SCML2: variants seen among roughly 807,000 people sequenced by gnomAD.
SCML2 encodes sex comb on midleg-like protein 2.
In SCML2, 6 loss-of-function variants were observed where a neutral mutation model predicts 48.4. The ratio of observed to expected loss-of-function variants is 0.12; its 90% CI spans 0.07 to 0.24. The LOEUF (loss-of-function observed/expected upper bound fraction) is 0.24, where lower values mean the gene tolerates loss of function less well. Ranked by LOEUF, SCML2 falls within the 10% of genes least tolerant of loss-of-function variation. SCML2 has a pLI of 1.00. For missense variants in SCML2, 377 were observed against 528.2 expected, an observed-to-expected ratio of 0.71 and a Z score of 2.81; for synonymous variants, 181 against 189.5, an observed-to-expected ratio of 0.95 and a Z score of 0.37.
chrX:18,340,514 C>T (rs1929977107), intron 1 of SCML2, among the ~76,000 whole-genome samples: 1 of 112,290 alleles, frequency 8.9e-6, no homozygotes, highest in African/African-American at 3.2e-5. Flanking sequence ...TGCAATCTAA[C>T]ATGTGATAAA....
intron 13 of SCML2, among the ~76,000 whole-genome samples, chrX:18,245,352 C>T (rs1341883879): frequency 8.9e-6 from 1 of 112,003 alleles, no homozygotes; most frequent in African/African-American, 3.2e-5. Context: ...TAGAAGTAAC[C>T]TTATACTGAG....
rs1403216127 is a variant in SCML2 at position 18,323,847 on chromosome X, C to T, written c.397+12G>A. ...TAGAAAGAATACGCTATTTTTAAAA[C>T]TTTCTTCTTACCTAGTGGAGGTTGA... On this transcript the variant is annotated intron_variant, in intron 5 of 14. Coordinates refer to ENST00000251900, the MANE Select transcript of SCML2 (RefSeq NM_006089.3). The T allele has an allele frequency of 2.6e-6, 3 of 1,157,169 alleles. No individual in the cohort carries two copies. The highest frequency in any genetic ancestry group is 1.8e-5 in the African/African-American group (1 of 56,149).
intron 1 of SCML2, among the ~76,000 whole-genome samples, chrX:18,335,006 G>A (rs774645897): frequency 3.6e-5 from 4 of 111,033 alleles, no homozygotes; most frequent in Admixed American, 9.6e-5. Context: ...GAGCCCAGCA[G>A]TTCAAGATCA....
chrX:18,339,657 T>G (rs1929949725), intron 1 of SCML2, among the ~76,000 whole-genome samples: 1 of 111,564 alleles, frequency 9.0e-6, no homozygotes, highest in East Asian at 2.8e-4. Context: ...AAGGCTGCAG[T>G]GAGTTATGAT....
chrX:18,320,209 T>C lies in SCML2; in HGVS notation c.486+123A>G, dbSNP rs1929271356. On this transcript the variant is annotated intron_variant, in intron 6 of 14. Transcript: ENST00000251900. ...TGTTATGGCAACCCTAGCAAACTAATACACTTGCCAATCCAGTAATTTTAA... is the reference window on the plus strand; with the variant it reads ...TGTTATGGCAACCCTAGCAAACTAACACACTTGCCAATCCAGTAATTTTAA... 4 of 421,682 alleles carry C rather than the reference T, an allele frequency of 9.5e-6. No individual in the cohort carries two copies. The South Asian group carries it at 2.7e-4, about 28-fold the overall frequency. 34.8% of individuals were successfully genotyped at this position (421,682 alleles called of 1,213,427 possible). A position where few individuals can be genotyped will look rare whatever the true frequency, so the allele number is the denominator to read the frequency against.
intron 6 of SCML2, among the ~76,000 whole-genome samples, chrX:18,315,701 G>T (rs775797412): frequency 7.2e-5 from 8 of 111,469 alleles, no homozygotes; most frequent in Non-Finnish European, 1.3e-4. Flanking sequence ...TCCAGTAACC[G>T]TTCAACCCCA....
Position 18,246,790 on chromosome X carries a change from C to G in SCML2, c.1609G>C (p.Glu537Gln). The change falls in exon 13 of 15, where the codon GAG (glutamate) becomes CAG (glutamine). Residue 537 changes from glutamate (E) to glutamine (Q), a missense_variant. Transcript: ENST00000251900. ...LFAGGSAIPK[E>Q]ENLSEDSKSS... ...TTAGAATCTTCTGAAAGATTCTCCT[C>G]TTTGGGAATGGCACTTCCCCCAGCA... is the stretch of plus-strand genomic sequence containing the variant. The G allele has an allele frequency of 1.7e-6, 2 of 1,206,843 alleles. No individual in the cohort carries two copies. The highest frequency in any genetic ancestry group is 2.2e-6 in the Non-Finnish European group (2 of 892,330).
intron 1 of SCML2, among the ~76,000 whole-genome samples, chrX:18,346,693 T>C (rs1930211976): frequency 8.9e-6 from 1 of 112,443 alleles, no homozygotes; most frequent in African/African-American, 3.2e-5. Context: ...CTGTCCTTTA[T>C]TGTGAAGGGG....
intron 5 of SCML2, among the ~76,000 whole-genome samples, chrX:18,321,426 CT>C (rs1183489585): frequency 1.8e-5 from 2 of 109,913 alleles, no homozygotes; most frequent in Non-Finnish European, 3.8e-5. Context: ...GTATGCGCCC[CT>C]GATGCATGCA....
chrX:18,302,599 G>A (rs1431602085), intron 7 of SCML2, among the ~76,000 whole-genome samples: 1 of 111,314 alleles, frequency 9.0e-6, no homozygotes, highest in African/African-American at 3.3e-5. Flanking sequence ...GTTCTGTCCT[G>A]GTCCTTTTCT....
rs543370630 is a variant in SCML2, at chrX:18,264,462, T to C, written c.948+1123A>G. Among the ~76,000 whole-genome samples, 8 of 106,411 alleles carry C rather than the reference T, an allele frequency of 7.5e-5. No homozygotes were observed. The South Asian group carries it at 2.9e-3, about 38-fold the overall frequency. 92.4% of individuals were successfully genotyped at this position (106,411 alleles called of 115,157 possible). On this transcript the variant is annotated intron_variant, in intron 8 of 14. Transcript: ENST00000251900. ...GTGTGTGTGTGTGTGTGTGTGTGTGTGTGTGTGTGTGTGTGTGTCTGTGTA... is the reference window on the plus strand; with the variant it reads ...GTGTGTGTGTGTGTGTGTGTGTGTGCGTGTGTGTGTGTGTGTGTCTGTGTA...
intron 7 of SCML2, among the ~76,000 whole-genome samples, chrX:18,267,782 G>C (rs1927306836): frequency 9.1e-6 from 1 of 110,163 alleles, no homozygotes; most frequent in Non-Finnish European, 1.9e-5. Flanking sequence ...TTTTGTGGTA[G>C]AGACGGGGTT....
At chrX:18,289,286 G>T (rs1445021789) in intron 7 of SCML2, among the ~76,000 whole-genome samples, 2 of 111,991 alleles carry the variant, frequency 1.8e-5, no homozygotes, top group Non-Finnish European at 3.8e-5. Flanking sequence ...AACAGAAAAA[G>T]GAAATTTTTT....
rs34188571 is a variant in SCML2 at position 18,309,200 on chromosome X, C to CAAA, written c.487-3988_487-3986dup. ...TTGGAGACAGAATGAGACTCTGTCT[C>CAAA]AAAAAAAAAAAAAAAAAACCCACAA... On this transcript the variant is annotated intron_variant, in intron 6 of 14. Transcript: ENST00000251900. Among the ~76,000 whole-genome samples the CAAA allele has an allele frequency of 3.3e-4, 17 of 51,696 alleles. 1 individual carries two copies. The highest frequency in any genetic ancestry group is 1.1e-3 in the African/African-American group (17 of 15,443). The allele number at this position is 51,696 out of a possible 115,157, so 44.9% of individuals were successfully genotyped here.
Position 18,271,104 on chromosome X carries a change from G to T in SCML2, c.731-5302C>A, listed in dbSNP as rs1269014388. On this transcript the variant is annotated intron_variant, in intron 7 of 14. Transcript: ENST00000251900. The stretch of plus-strand genomic sequence containing the variant: ...AAGGCAAGGAGTAAAGCCAACAGGG[G>T]GTCTGGAAGCCTGGAATGAGGGAAA... Among the ~76,000 whole-genome samples, 8 of 111,113 alleles carry T rather than the reference G, an allele frequency of 7.2e-5. 1 individual carries two copies. The highest frequency in any genetic ancestry group is 6.7e-4 in the Admixed American group (7 of 10,418).
intron 6 of SCML2, among the ~76,000 whole-genome samples, chrX:18,308,626 C>T (rs1331750427): frequency 9.1e-6 from 1 of 110,235 alleles, no homozygotes; most frequent in Non-Finnish European, 1.9e-5. Context: ...ATCAAAAAGA[C>T]CAAAAAAATA....
intron 7 of SCML2, among the ~76,000 whole-genome samples, chrX:18,294,791 C>T (rs1346022808): frequency 9.0e-6 from 1 of 110,930 alleles, no homozygotes; most frequent in Non-Finnish European, 1.9e-5. Flanking sequence ...AGAGGCTGCC[C>T]ACCCCGATCC....
At chrX:18,305,519 A>C (rs1928728712) in intron 6 of SCML2, among the ~76,000 whole-genome samples, 1 of 111,763 alleles carries the variant, frequency 8.9e-6, no homozygotes, top group Admixed American at 9.6e-5. Flanking sequence ...TCATTGATGA[A>C]CAAATATATC....
intron 11 of SCML2, among the ~76,000 whole-genome samples, chrX:18,253,259 A>G (rs990849576): frequency 4.5e-5 from 5 of 111,895 alleles, no homozygotes; most frequent in Non-Finnish European, 7.5e-5. Context: ...ACCCAGCTCA[A>G]TCACTGAATG....
Sources: gnomAD v4.1 joint callset for allele counts (sites outside exome capture counted in the v4.1 genomes callset) on GRCh38, gnomAD v4.1.1 for gene constraint, MANE v1.5 for transcripts, NCBI Gene and HGNC (gene_info 2026-07-23, HGNC 2026-07-21) for gene names.